SYTL5: variants seen among roughly 807,000 people sequenced by gnomAD.
The protein encoded by SYTL5 is synaptotagmin like 5, also known as synaptotagmin-like protein 5.
SYTL5 carries 34 observed loss-of-function variants against 55.9 expected under a neutral mutation model. That is an observed-to-expected ratio of 0.61 (90% CI 0.46 to 0.81). The LOEUF is 0.81. Among genes scored for constraint, SYTL5 ranks in the 30% least tolerant of loss-of-function variants. The pLI, the probability that SYTL5 is intolerant of heterozygous loss-of-function variation, is 0.00. For synonymous variants in SYTL5, 221 were observed against 188.7 expected, an observed-to-expected ratio of 1.17 and a Z score of -1.40; for missense variants, 637 against 546.7, an observed-to-expected ratio of 1.17 and a Z score of -1.65.
chrX:37,942,979 G>C, the SYTL5 span, among the ~76,000 whole-genome samples: 2 of 111,162 alleles, frequency 1.8e-5, no homozygotes, highest in African/African-American at 6.5e-5. Flanking sequence ...GTGTAATTTG[G>C]CTCTCATTCA....
chrX:37,921,543 C>A, the SYTL5 span, among the ~76,000 whole-genome samples: 1 of 111,661 alleles, frequency 9.0e-6, no homozygotes, highest in African/African-American at 3.2e-5. Flanking sequence ...AAGATCAAAT[C>A]TGGTCTATAA....
intron 2 of SYTL5, among the ~76,000 whole-genome samples, chrX:38,042,563 A>G (rs1269771520): frequency 3.6e-5 from 4 of 111,610 alleles, no homozygotes; most frequent in Admixed American, 1.9e-4. Flanking sequence ...CCATATTCCC[A>G]TTTTACTACC....
Position 38,076,245 on chromosome X carries a change from C to A in SYTL5, c.555-322C>A, listed in dbSNP as rs777613440. ...AGGGAGTTCAAACTCTCTATTCTCA[C>A]TATTCCTGCAAACAGGCCCAACTCA... On this transcript the variant is annotated intron_variant, in intron 5 of 16. Transcript: ENST00000297875. 5.4e-5 allele frequency among the ~76,000 whole-genome samples: 6 copies of A among 112,120 alleles called. No individual in the cohort carries two copies. In the East Asian group the frequency reaches 1.7e-3, roughly 32 times the overall value.
the SYTL5 span, among the ~76,000 whole-genome samples, chrX:37,902,621 C>T: frequency 9.0e-6 from 1 of 111,497 alleles, no homozygotes; most frequent in Non-Finnish European, 1.9e-5. Context: ...TCACATCTTT[C>T]CTGGCAGGAA....
chrX:38,056,380 G>C (rs750791424), intron 3 of SYTL5, among the ~76,000 whole-genome samples: 19 of 111,875 alleles, frequency 1.7e-4, no homozygotes, highest in Non-Finnish European at 3.4e-4. Flanking sequence ...TGAGCACTTA[G>C]GTTGCTTCCA....
the SYTL5 span, chrX:37,906,551 T>C: frequency 9.0e-6 from 1 of 111,611 alleles, no homozygotes; most frequent in East Asian, 2.8e-4. Context: ...TGTTTTACTG[T>C]AGCCTGAGTT....
Position 38,108,646 on chromosome X carries a change from C to T in SYTL5, c.1381C>T (p.Arg461Cys), listed in dbSNP as rs1057043745. Reference protein sequence around the residue: ...LLPDKSRNNKRKTKIRTGTNP... With the variant: ...LLPDKSRNNKCKTKIRTGTNP... The stretch of plus-strand genomic sequence containing the variant: ...TCCTGACAAGTCCCGGAACAACAAG[C>T]GTAAGACCAAAATCAGAACAGGCAC... Residue 461 changes from arginine to cysteine, a missense_variant, in exon 12 of 17, where the codon CGT becomes TGT. By Grantham distance (180) the Arg-to-Cys change is radical. Transcript: ENST00000297875. The T allele has an allele frequency of 1.3e-5, 16 of 1,203,663 alleles. No individual in the cohort carries two copies. Among genetic ancestry groups the T allele is most frequent in the South Asian group, 1.8e-5 (1 of 55,745 alleles).
chrX:37,906,193 G>C, the SYTL5 span: 1 of 112,162 alleles, frequency 8.9e-6, no homozygotes, highest in Admixed American at 9.4e-5. Flanking sequence ...TGGGGGACTC[G>C]CGGGGAGGGG....
chrX:37,894,891 C>G, the SYTL5 span, among the ~76,000 whole-genome samples: 1 of 111,137 alleles, frequency 9.0e-6, no homozygotes, highest in Admixed American at 9.6e-5. Context: ...CATCACTACT[C>G]CCTCTTTACT....
the SYTL5 span, chrX:37,946,857 T>C: frequency 8.8e-6 from 1 of 113,077 alleles, no homozygotes; most frequent in Non-Finnish European, 1.9e-5. Flanking sequence ...GGAGCAGAAA[T>C]AAGCATGTGT....
chrX:38,057,302 T>C (rs1274971101), intron 3 of SYTL5, among the ~76,000 whole-genome samples: 1 of 111,590 alleles, frequency 9.0e-6, no homozygotes, highest in Non-Finnish European at 1.9e-5. Flanking sequence ...TAGATGTATG[T>C]ATATGTTTCT....
chrX:38,033,771 C>G lies in SYTL5; in HGVS notation c.-119C>G, dbSNP rs1935027790. 1 of 414,164 alleles carries G rather than the reference C, an allele frequency of 2.4e-6. No homozygotes were observed. The highest frequency in any genetic ancestry group is 4.2e-6 in the Non-Finnish European group (1 of 235,746). 34.1% of individuals were successfully genotyped at this position (414,164 alleles called of 1,213,427 possible). A position where few individuals can be genotyped will look rare whatever the true frequency, so the allele number is the denominator to read the frequency against. On this transcript the variant is annotated 5_prime_UTR_variant, in exon 2 of 17. The change creates a new upstream start codon in the 5' untranslated region. Coordinates refer to ENST00000297875, the MANE Select transcript of SYTL5 (RefSeq NM_138780.3). ...AATTCTGCAGAGACCTTGTAAAAAT[C>G]ACACTTTACACCAAACAACTGAGTG...
intron 2 of SYTL5, among the ~76,000 whole-genome samples, chrX:38,039,200 A>G (rs1220649646): frequency 8.9e-6 from 1 of 112,299 alleles, no homozygotes; most frequent in East Asian, 2.8e-4. Flanking sequence ...CTAAGCAGGA[A>G]GGAGTGGTAG....
the SYTL5 span, among the ~76,000 whole-genome samples, chrX:37,983,633 A>G: frequency 1.8e-5 from 2 of 112,157 alleles, no homozygotes; most frequent in African/African-American, 6.5e-5. Context: ...AACACCACAA[A>G]CCAACTAGAC....
At chrX:37,901,688 T>G in the SYTL5 span, among the ~76,000 whole-genome samples, 1 of 112,028 alleles carries the variant, frequency 8.9e-6, no homozygotes, top group Admixed American at 9.5e-5. Flanking sequence ...GGCCCACATA[T>G]TTTATAATTC....
chrX:38,111,708 A>G (rs1171313762), intron 13 of SYTL5, among the ~76,000 whole-genome samples: 2 of 112,217 alleles, frequency 1.8e-5, no homozygotes, highest in Non-Finnish European at 3.8e-5. Context: ...TGTTCAGAAG[A>G]GGAGAGTTCC....
chrX:37,890,787 C>T, the SYTL5 span, among the ~76,000 whole-genome samples: 73 of 112,123 alleles, frequency 6.5e-4, no homozygotes, highest in African/African-American at 2.2e-3. Context: ...AATAAGCACA[C>T]GAAAAGATGC....
intron 1 of SYTL5, among the ~76,000 whole-genome samples, chrX:38,014,661 C>T (rs1001031902): frequency 6.3e-5 from 7 of 111,490 alleles, no homozygotes; most frequent in Non-Finnish European, 1.3e-4. Flanking sequence ...TCAAGAAAGG[C>T]GGGACAACTC....
the SYTL5 span, among the ~76,000 whole-genome samples, chrX:37,961,074 G>A: frequency 9.0e-4 from 99 of 110,450 alleles, no homozygotes; most frequent in Non-Finnish European, 1.1e-3. Flanking sequence ...GTGAGCCACC[G>A]CGCCCGGCCT....
Sources: allele counts gnomAD v4.1 joint callset (sites outside exome capture counted in the v4.1 genomes callset), GRCh38; gene constraint gnomAD v4.1.1; transcripts MANE v1.5; gene names NCBI Gene and HGNC (gene_info 2026-07-23, HGNC 2026-07-21).